The following SNX9 variants were observed in gnomAD, a reference collection of about 807,000 sequenced individuals.
The protein encoded by SNX9 is sorting nexin-9.
SNX9 carries 44 observed loss-of-function variants against 89.4 expected under a neutral mutation model. The ratio of observed to expected loss-of-function variants is 0.49; its 90% CI spans 0.39 to 0.63. SNX9 has a LOEUF of 0.63. SNX9 is among the 30% of genes least tolerant of loss of function. SNX9 has a pLI of 0.00. For synonymous variants in SNX9, 236 were observed against 247.8 expected (o/e 0.95, Z 0.45); for missense variants, 578 against 736.1 (o/e 0.79, Z 2.49).
In SNX9 at chr6:157,873,085, TTTTG is replaced by T; in HGVS notation, c.100-16_100-13del. On this transcript the variant is annotated splice_polypyrimidine_tract_variant and intron_variant, in intron 2 of 17. Transcript: ENST00000392185. ...TGTAATCTTTTTCTTTTTTTTTTTTTTTTGGTGACTTATTAGGATGTAGGTGGAG... is the reference window on the plus strand; with the variant it reads ...TGTAATCTTTTTCTTTTTTTTTTTTTGTGACTTATTAGGATGTAGGTGGAG... 1 of 1,539,968 alleles carries T rather than the reference TTTTG, an allele frequency of 6.5e-7. No homozygotes were observed. Among genetic ancestry groups the T allele is most frequent in the Non-Finnish European group, 8.7e-7 (1 of 1,152,624 alleles).
intron 1 of SNX9, among the ~76,000 whole-genome samples, chr6:157,834,006 G>A (rs1413505378): frequency 6.6e-6 from 1 of 152,096 alleles, no homozygotes; most frequent in Non-Finnish European, 1.5e-5. Flanking sequence ...GTCAGGTTTT[G>A]TACTTAGAGG....
rs148337772 is a variant in SNX9, at chr6:157,893,582, T to A, written c.301-3245T>A. On this transcript the variant is annotated intron_variant, in intron 4 of 17. Coordinates refer to ENST00000392185, the MANE Select transcript of SNX9 (RefSeq NM_016224.5). The stretch of plus-strand genomic sequence containing the variant: ...GTGGGTAATTTTCTTGCAATTATAT[T>A]TTTTTCTTTTTTTAACTAGCACCAT... Among the ~76,000 whole-genome samples, 428 of 147,466 alleles carry A rather than the reference T, an allele frequency of 2.9e-3. 3 individuals carry two copies. Among genetic ancestry groups the A allele is most frequent in the African/African-American group, 9.5e-3 (375 of 39,604 alleles).
chr6:157,856,508 C>T (rs111794592), intron 1 of SNX9, among the ~76,000 whole-genome samples: 4 of 152,126 alleles, frequency 2.6e-5, no homozygotes, highest in African/African-American at 9.7e-5. Context: ...TGCTTTGATC[C>T]CTAAAAAATG....
rs1252293493 is a variant in SNX9, at chr6:157,903,422, A to G, written c.620+1377A>G. Among the ~76,000 whole-genome samples the G allele has an allele frequency of 2.0e-5, 3 of 152,144 alleles. No individual in the cohort carries two copies. In the East Asian group the frequency reaches 5.8e-4, roughly 29 times the overall value. Reference sequence around the variant, plus strand: ...TGCTGCCTCTTACCCAGTTTCTTCCATTATATATTTTCCTGCTCAATTGCA... The same window carrying G: ...TGCTGCCTCTTACCCAGTTTCTTCCGTTATATATTTTCCTGCTCAATTGCA... On this transcript the variant is annotated intron_variant, in intron 6 of 17. Transcript: ENST00000392185.
chr6:157,873,882 C>T (rs902692414), intron 3 of SNX9, among the ~76,000 whole-genome samples: 60 of 152,212 alleles, frequency 3.9e-4, no homozygotes, highest in African/African-American at 1.1e-3. Context: ...TGGGCTGGTC[C>T]TGCCTGGGAC....
chr6:157,941,251 C>T (rs1057322112), intron 17 of SNX9, among the ~76,000 whole-genome samples: 18 of 152,130 alleles, frequency 1.2e-4, no homozygotes, highest in African/African-American at 3.6e-4. Flanking sequence ...TCCTTCCCCC[C>T]GTCACAGCCT....
chr6:157,868,139 T>C (rs1391411195), intron 2 of SNX9, among the ~76,000 whole-genome samples: 5 of 152,210 alleles, frequency 3.3e-5, no homozygotes, highest in African/African-American at 9.7e-5. Flanking sequence ...CAGAAAGCAA[T>C]ATACTTAGAC....
At chr6:157,849,704 A>C (rs1307602810) in intron 1 of SNX9, among the ~76,000 whole-genome samples, 1 of 152,114 alleles carries the variant, frequency 6.6e-6, no homozygotes, top group Non-Finnish European at 1.5e-5. Context: ...TGAGAGGAGG[A>C]GTCAAGAGTA....
At chr6:157,884,676 A>G (rs1032938853) in intron 4 of SNX9, among the ~76,000 whole-genome samples, 1 of 152,126 alleles carries the variant, frequency 6.6e-6, no homozygotes, top group African/African-American at 2.4e-5. Flanking sequence ...GGATTTATGG[A>G]CATTTGCCTT....
chr6:157,833,033 C>G (rs920517423), intron 1 of SNX9, among the ~76,000 whole-genome samples: 5 of 152,132 alleles, frequency 3.3e-5, no homozygotes, highest in African/African-American at 1.2e-4. Context: ...CACTTGGATG[C>G]TGGGAATAAA....
intron 11 of SNX9, 142 bp downstream of exon 11, chr6:157,927,356 A>G: frequency 1.6e-6 from 1 of 613,092 alleles, no homozygotes; most frequent in South Asian, 1.9e-5. Context: ...GTCCAATGAC[A>G]AGGGAAACAT....
rs954984066 is a variant in SNX9, at chr6:157,900,479, G to C, written c.473-1419G>C. On this transcript the variant is annotated intron_variant, in intron 5 of 17. Transcript: ENST00000392185. Reference sequence around the variant, plus strand: ...GTGTTCCCAGGCGGATCGGCCCGTTGAGAAATAATAGACACACACAAGATA... The same window carrying C: ...GTGTTCCCAGGCGGATCGGCCCGTTCAGAAATAATAGACACACACAAGATA... Among the ~76,000 whole-genome samples, 18 of 152,182 alleles carry C rather than the reference G, an allele frequency of 1.2e-4. 1 individual carries two copies. Among genetic ancestry groups the C allele is most frequent in the Non-Finnish European group, 2.2e-4 (15 of 68,030 alleles).
intron 1 of SNX9, among the ~76,000 whole-genome samples, chr6:157,845,450 A>G (rs1192185540): frequency 6.6e-6 from 1 of 152,064 alleles, no homozygotes; most frequent in Non-Finnish European, 1.5e-5. Flanking sequence ...ACTTATTTTG[A>G]CAGTAAACTT....
chr6:157,927,660 G>T (rs1274935953), intron 11 of SNX9, among the ~76,000 whole-genome samples: 3 of 151,340 alleles, frequency 2.0e-5, no homozygotes, highest in African/African-American at 7.3e-5. Flanking sequence ...TGAAACTTTG[G>T]AGTAGTTCCT....
At chr6:157,919,472 C>T (rs1477044971) in intron 9 of SNX9, among the ~76,000 whole-genome samples, 2 of 151,514 alleles carry the variant, frequency 1.3e-5, no homozygotes, top group African/African-American at 4.9e-5. Flanking sequence ...CTTCTGCTAC[C>T]TTAAATCTTA....
At chr6:157,941,680 G>A (rs1784039059) in intron 17 of SNX9, among the ~76,000 whole-genome samples, 1 of 152,184 alleles carries the variant, frequency 6.6e-6, no homozygotes, top group Non-Finnish European at 1.5e-5. Context: ...CATGGGGAGT[G>A]GTGAGCAAGC....
At chr6:157,913,442 G>C (rs1380907828) in intron 9 of SNX9, among the ~76,000 whole-genome samples, 1 of 152,070 alleles carries the variant, frequency 6.6e-6, no homozygotes, top group Non-Finnish European at 1.5e-5. Context: ...GGGATTATAG[G>C]TGCACGCCAC....
chr6:157,880,959 G>A (rs1308164982), intron 4 of SNX9, among the ~76,000 whole-genome samples: 2 of 152,230 alleles, frequency 1.3e-5, no homozygotes, highest in Non-Finnish European at 2.9e-5. Flanking sequence ...GTACTTAGTA[G>A]TGGTTTAATA....
At chr6:157,870,787 A>C (rs544615565) in intron 2 of SNX9, among the ~76,000 whole-genome samples, 2 of 147,906 alleles carry the variant, frequency 1.4e-5, no homozygotes, top group South Asian at 4.3e-4. Flanking sequence ...ATATGCACTC[A>C]CCCGTGCAAG....
Sources: allele counts gnomAD v4.1 joint callset (sites outside exome capture counted in the v4.1 genomes callset), GRCh38; gene constraint gnomAD v4.1.1; transcripts MANE v1.5; gene names NCBI Gene and HGNC (gene_info 2026-07-23, HGNC 2026-07-21).